The following C1orf21 variants were observed in gnomAD, a reference collection of about 807,000 sequenced individuals.
C1orf21 encodes chromosome 1 open reading frame 21.
Under a neutral mutation model 18.7 loss-of-function variants are expected in C1orf21, and 3 were observed. The ratio of observed to expected loss-of-function variants is 0.16; its 90% CI spans 0.07 to 0.42. C1orf21 has a LOEUF of 0.42. Ranked by LOEUF, C1orf21 falls within the 10% of genes least tolerant of loss-of-function variation. C1orf21 has a pLI of 0.99. For missense variants in C1orf21, 104 were observed against 143.6 expected (o/e 0.72, Z 1.41); for synonymous variants, 41 against 46.4 (o/e 0.88, Z 0.47).
rs144515373 is a variant in C1orf21 at position 184,399,494 on chromosome 1, CT to C, written c.-125+12127del. 7.1e-3 allele frequency among the ~76,000 whole-genome samples: 1,069 copies of C among 151,344 alleles called. 8 individuals carry two copies. Among genetic ancestry groups the C allele is most frequent in the African/African-American group, 0.025 (1,010 of 41,214 alleles). On this transcript the variant is annotated intron_variant, in intron 1 of 5. Transcript: ENST00000235307. ...CCTCCCACCTCAGCCTGTCGAGTAG[CT>C]GGGACTATAGGTGTATGCCACCACA...
chr1:184,428,093 A>G (rs1656670334), intron 1 of C1orf21, among the ~76,000 whole-genome samples: 1 of 152,198 alleles, frequency 6.6e-6, no homozygotes, highest in Non-Finnish European at 1.5e-5. Context: ...AATAGACCCC[A>G]CTTCAGTGGG....
At chr1:184,405,077 T>G (rs1243855508) in intron 1 of C1orf21, among the ~76,000 whole-genome samples, 2 of 152,234 alleles carry the variant, frequency 1.3e-5, no homozygotes, top group African/African-American at 4.8e-5. Flanking sequence ...AACCTTTTTC[T>G]TAATTCTTCA....
chr1:184,577,464 TG>T (rs1423365870), intron 3 of C1orf21, among the ~76,000 whole-genome samples: 1 of 152,158 alleles, frequency 6.6e-6, no homozygotes, highest in Admixed American at 6.5e-5. Flanking sequence ...TGTGTTAATT[TG>T]TTAAAGCAGC....
At chr1:184,501,958 CAT>C (rs1267608712) in intron 2 of C1orf21, among the ~76,000 whole-genome samples, 1 of 152,114 alleles carries the variant, frequency 6.6e-6, no homozygotes, top group Non-Finnish European at 1.5e-5. Flanking sequence ...ATGATCAACA[CAT>C]AGGAAAAGTA....
At chr1:184,423,953 C>T (rs959084149) in intron 1 of C1orf21, among the ~76,000 whole-genome samples, 26 of 152,114 alleles carry the variant, frequency 1.7e-4, no homozygotes, top group Non-Finnish European at 2.9e-5. Flanking sequence ...TAGGTGCTGG[C>T]AACGTAAAGT....
chr1:184,452,916 C>T (rs2101980378), intron 1 of C1orf21, among the ~76,000 whole-genome samples: 1 of 152,126 alleles, frequency 6.6e-6, no homozygotes, highest in Middle Eastern at 3.4e-3. Flanking sequence ...TTGTTTATGC[C>T]TTAAAAGTTG....
At chr1:184,392,292 G>A (rs183933813) in intron 1 of C1orf21, among the ~76,000 whole-genome samples, 199 of 152,256 alleles carry the variant, frequency 1.3e-3, no homozygotes, top group Middle Eastern at 3.4e-3. Flanking sequence ...GTGCTGGAGA[G>A]GTCCAGGGAA....
At chr1:184,507,915 C>T (rs1658088241) in intron 3 of C1orf21, among the ~76,000 whole-genome samples, 1 of 151,958 alleles carries the variant, frequency 6.6e-6, no homozygotes, top group African/African-American at 2.4e-5. Flanking sequence ...CAAAATTATT[C>T]GTGTTTTAAA....
intron 1 of C1orf21, among the ~76,000 whole-genome samples, chr1:184,423,666 G>C (rs1395549545): frequency 2.0e-5 from 3 of 152,134 alleles, no homozygotes; most frequent in Non-Finnish European, 4.4e-5. Flanking sequence ...TGGTTATCCA[G>C]CTGATGATGC....
chr1:184,592,788 C>T (rs1036444554), intron 4 of C1orf21, among the ~76,000 whole-genome samples: 1 of 152,164 alleles, frequency 6.6e-6, no homozygotes, highest in South Asian at 2.1e-4. Flanking sequence ...TCTGTGGAGT[C>T]GCTGCAGCTA....
At chr1:184,445,626 A>G (rs138330224) in intron 1 of C1orf21, among the ~76,000 whole-genome samples, 262 of 152,250 alleles carry the variant, frequency 1.7e-3, no homozygotes, top group African/African-American at 5.9e-3. Flanking sequence ...ATATTGAAAA[A>G]AAAATTTGTT....
At position 184,590,767 on chromosome 1, in the gene C1orf21, T is replaced by A. The variant is rs1571292555; in HGVS notation, c.218T>A (p.Leu73His). 3 of 1,614,140 alleles carry A rather than the reference T, an allele frequency of 1.9e-6. No homozygotes were observed. The highest frequency in any genetic ancestry group is 2.5e-6 in the Non-Finnish European group (3 of 1,180,002). ...AAAAGTGCCAGCTCAAATGTAAGAC[T>A]TAAAACTAATAAAGAGGTTCCGGGA... ...LEKSASSNVR[L>H]KTNKEVPGLV... Residue 73 changes from leucine to histidine, a missense_variant, in exon 4 of 6, where the codon CTT becomes CAT. Transcript: ENST00000235307.
chr1:184,480,721 C>T (rs115414650), intron 2 of C1orf21, among the ~76,000 whole-genome samples: 1,819 of 152,218 alleles, frequency 0.012, 33 homozygotes, highest in African/African-American at 0.041. Flanking sequence ...GGTACAGGCT[C>T]CTGCCTTTAA....
At chr1:184,577,951 T>TG (rs747186025) in intron 3 of C1orf21, among the ~76,000 whole-genome samples, 14,655 of 113,602 alleles carry the variant, frequency 0.13, 1,122 homozygotes, top group East Asian at 0.16. Context: ...TGTTTTGTTT[T>TG]TGTTTTTTTT....
rs571526717 is a variant in C1orf21 at position 184,477,830 on chromosome 1, T to A, written c.94+227T>A. On this transcript the variant is annotated intron_variant, in intron 2 of 5. Transcript: ENST00000235307. Reference sequence around the variant, plus strand: ...CGTATCTTTGAGCTATTTGGAAACATACAGTACATTATTTTTAACTATAGT... The same window carrying A: ...CGTATCTTTGAGCTATTTGGAAACAAACAGTACATTATTTTTAACTATAGT... Among the ~76,000 whole-genome samples, 11 of 152,316 alleles carry A rather than the reference T, an allele frequency of 7.2e-5. No homozygotes were observed. In the South Asian group the frequency reaches 2.3e-3, roughly 32 times the overall value.
intron 3 of C1orf21, among the ~76,000 whole-genome samples, chr1:184,535,507 A>T (rs181200535): frequency 1.8e-4 from 27 of 152,382 alleles, no homozygotes; most frequent in African/African-American, 4.1e-4. Flanking sequence ...AGCATCAGCT[A>T]CATGAAGTAC....
chr1:184,477,718 C>CCT (rs1259952201), intron 2 of C1orf21, 115 bp downstream of exon 2: 3 of 774,226 alleles, frequency 3.9e-6, no homozygotes, highest in Non-Finnish European at 6.3e-6. Flanking sequence ...TTGTTACATG[C>CCT]CTAGAATGTG....
At chr1:184,562,425 C>T (rs1402419276) in intron 3 of C1orf21, among the ~76,000 whole-genome samples, 1 of 152,208 alleles carries the variant, frequency 6.6e-6, no homozygotes, top group African/African-American at 2.4e-5. Context: ...CTCACATTTT[C>T]ATCTGCACAG....
chr1:184,597,161 A>T (rs1659527090), intron 4 of C1orf21, among the ~76,000 whole-genome samples: 1 of 152,178 alleles, frequency 6.6e-6, no homozygotes, highest in South Asian at 2.1e-4. Context: ...GTGTTTCCCA[A>T]ACAAAACGTT....
Sources: allele counts gnomAD v4.1 joint callset (sites outside exome capture counted in the v4.1 genomes callset), GRCh38; gene constraint gnomAD v4.1.1; transcripts MANE v1.5; gene names NCBI Gene and HGNC (gene_info 2026-07-23, HGNC 2026-07-21).